WDPCP: variants seen among roughly 807,000 people sequenced by gnomAD.
WDPCP encodes WD repeat-containing and planar cell polarity effector protein fritz homolog.
In WDPCP, 71 loss-of-function variants were observed where a neutral mutation model predicts 93.1. The observed-to-expected ratio is 0.76, with a 90% CI of 0.63 to 0.93. WDPCP has a LOEUF of 0.93. WDPCP is among the 40% of genes least tolerant of loss of function. WDPCP has a pLI of 0.00. For synonymous variants in WDPCP, 315 were observed against 315.0 expected, an observed-to-expected ratio of 1.00 and a Z score of 0.00; for missense variants, 844 against 887.4, an observed-to-expected ratio of 0.95 and a Z score of 0.62.
intron 2 of WDPCP, among the ~76,000 whole-genome samples, chr2:63,746,494 T>A (rs1477097691): frequency 2.0e-5 from 3 of 152,170 alleles, no homozygotes; most frequent in Non-Finnish European, 4.4e-5. Flanking sequence ...GACAGAGCCA[T>A]ACTTCTCTTA....
chr2:63,268,102 T>C (rs1463530825), intron 13 of WDPCP, among the ~76,000 whole-genome samples: 1 of 152,146 alleles, frequency 6.6e-6, no homozygotes, highest in African/African-American at 2.4e-5. Context: ...ATAAAGGCAA[T>C]ATGGTATATG....
intron 17 of WDPCP, among the ~76,000 whole-genome samples, chr2:63,149,338 A>T (rs1246058414): frequency 6.6e-6 from 1 of 152,224 alleles, no homozygotes; most frequent in African/African-American, 2.4e-5. Flanking sequence ...GCTACTAGGG[A>T]TGGCAAACAT....
intron 9 of WDPCP, among the ~76,000 whole-genome samples, chr2:63,418,326 G>A (rs541511737): frequency 1.3e-5 from 2 of 152,244 alleles, no homozygotes; most frequent in South Asian, 4.2e-4. Flanking sequence ...AATATATGGT[G>A]TGTAATGAAG....
rs183850750 is a variant in WDPCP at position 63,767,401 on chromosome 2, C to G, written n.308+46221G>C. Among the ~76,000 whole-genome samples, 163 of 152,194 alleles carry G rather than the reference C, an allele frequency of 1.1e-3. 2 individuals carry two copies. Among genetic ancestry groups the G allele is most frequent in the African/African-American group, 3.7e-3 (155 of 41,534 alleles). ...GTCATTTGGTGGATGTATGGCTTAA[C>G]TTTTTAAAAAGCTGCTAAGCCATTT... On this transcript the variant is annotated intron_variant and non_coding_transcript_variant, in intron 2 of 4. Transcript: ENST00000467687.
At chr2:63,566,783 G>C (rs981013203) in intron 1 of WDPCP, among the ~76,000 whole-genome samples, 3 of 152,278 alleles carry the variant, frequency 2.0e-5, no homozygotes, top group African/African-American at 7.2e-5. Context: ...TTCAGATATT[G>C]GTTGCAAGTC....
At chr2:63,316,174 A>G (rs991326846) in intron 12 of WDPCP, among the ~76,000 whole-genome samples, 1 of 152,172 alleles carries the variant, frequency 6.6e-6, no homozygotes, top group African/African-American at 2.4e-5. Flanking sequence ...AAATATAAAG[A>G]GAGGCTGAGC....
At chr2:63,625,040 A>C (rs1709795642) in intron 3 of WDPCP, among the ~76,000 whole-genome samples, 1 of 152,210 alleles carries the variant, frequency 6.6e-6, no homozygotes, top group Non-Finnish European at 1.5e-5. Context: ...AAATCAATAA[A>C]CGTAATCCAT....
At chr2:63,387,148 TC>T (rs534330398) in intron 10 of WDPCP, among the ~76,000 whole-genome samples, 184 of 152,180 alleles carry the variant, frequency 1.2e-3, no homozygotes, top group Admixed American at 3.2e-3. Flanking sequence ...GCCAGCATCA[TC>T]CTGATACAAA....
At chr2:63,586,390 GT>G (rs1708846364) in intron 1 of WDPCP, among the ~76,000 whole-genome samples, 1 of 152,158 alleles carries the variant, frequency 6.6e-6, no homozygotes, top group South Asian at 2.1e-4. Context: ...TGCTCTGTTT[GT>G]TGCCTTAACA....
At chr2:63,401,134 A>C (rs1694118973) in intron 10 of WDPCP, among the ~76,000 whole-genome samples, 1 of 152,170 alleles carries the variant, frequency 6.6e-6, no homozygotes. Flanking sequence ...CAGAAGCCAA[A>C]ATTGACAAAT....
chr2:63,148,527 T>C (rs1206694902), intron 17 of WDPCP, among the ~76,000 whole-genome samples: 1 of 151,964 alleles, frequency 6.6e-6, no homozygotes, highest in Non-Finnish European at 1.5e-5. Flanking sequence ...GTTTTTGTTT[T>C]TGTTTTAGTA....
chr2:63,816,764 A>T (rs1046292113), intron 1 of WDPCP, among the ~76,000 whole-genome samples: 8 of 152,324 alleles, frequency 5.3e-5, no homozygotes, highest in African/African-American at 1.9e-4. Context: ...AAAATGTGGT[A>T]TATTCATAAA....
intron 2 of WDPCP, among the ~76,000 whole-genome samples, chr2:63,812,036 A>G (rs1444985403): frequency 6.7e-6 from 1 of 150,318 alleles, no homozygotes; most frequent in Non-Finnish European, 1.5e-5. Context: ...AGCTAATTGT[A>G]TTTTTTTTTG....
chr2:63,188,312 A>G (rs998584241), intron 14 of WDPCP, among the ~76,000 whole-genome samples: 2 of 151,958 alleles, frequency 1.3e-5, no homozygotes, highest in African/African-American at 4.8e-5. Context: ...TGAGACTCCT[A>G]TACTACATAT....
At chr2:63,127,431 T>C (rs1379077533) in intron 17 of WDPCP, among the ~76,000 whole-genome samples, 1 of 151,770 alleles carries the variant, frequency 6.6e-6, no homozygotes, top group African/African-American at 2.4e-5. Context: ...CCTGAAAATA[T>C]TTTTTAAAAA....
chr2:63,167,134 T>TC (rs1194916869), intron 15 of WDPCP, among the ~76,000 whole-genome samples: 1 of 152,222 alleles, frequency 6.6e-6, no homozygotes, highest in Non-Finnish European at 1.5e-5. Context: ...CACAGCCACA[T>TC]CGGTTCATTT....
intron 2 of WDPCP, among the ~76,000 whole-genome samples, chr2:63,733,361 G>A (rs1263020574): frequency 6.7e-6 from 1 of 149,072 alleles, no homozygotes; most frequent in Non-Finnish European, 1.5e-5. Context: ...CACCGCGCCC[G>A]GCTAATTTTT....
At chr2:63,816,883 T>C (rs1286383132) in intron 1 of WDPCP, among the ~76,000 whole-genome samples, 1 of 152,188 alleles carries the variant, frequency 6.6e-6, no homozygotes, top group Non-Finnish European at 1.5e-5. Context: ...AGACGTGCAC[T>C]GTGTAATTTT....
intron 1 of WDPCP, among the ~76,000 whole-genome samples, chr2:63,548,736 C>A (rs1234788077): frequency 1.3e-5 from 2 of 151,768 alleles, no homozygotes; most frequent in Non-Finnish European, 2.9e-5. Flanking sequence ...CTCAAGCGAT[C>A]TTCCAGCCTC....
Sources: gnomAD v4.1 joint callset for allele counts (sites outside exome capture counted in the v4.1 genomes callset) on GRCh38, gnomAD v4.1.1 for gene constraint, MANE v1.5 for transcripts, NCBI Gene and HGNC (gene_info 2026-07-23, HGNC 2026-07-21) for gene names.